PDE4C: variants seen among roughly 807,000 people sequenced by gnomAD.
PDE4C encodes the protein 3',5'-cyclic-AMP phosphodiesterase 4C.
Under a neutral mutation model 63.9 loss-of-function variants are expected in PDE4C, and 50 were observed. That is an observed-to-expected ratio of 0.78 (90% CI 0.62 to 0.99). PDE4C has a LOEUF of 0.99. Among genes scored for constraint, PDE4C ranks in the 50% least tolerant of loss-of-function variants. The pLI, the probability that PDE4C is intolerant of heterozygous loss-of-function variation, is 0.00. For missense variants in PDE4C, 777 were observed against 899.1 expected (o/e 0.86, Z 1.74); for synonymous variants, 377 against 385.1 (o/e 0.98, Z 0.25).
chr19:18,221,444 C>T, intron 2 of PDE4C, 147 bp from the exon 3 acceptor site: 1 of 698,852 alleles, frequency 1.4e-6, no homozygotes, highest in Non-Finnish European at 2.4e-6. Flanking sequence ...ATGCGACTCT[C>T]CCTGAGACCC....
intron 1 of PDE4C, among the ~76,000 whole-genome samples, chr19:18,239,843 T>C (rs755649093): frequency 6.6e-6 from 1 of 151,878 alleles, no homozygotes; most frequent in African/African-American, 2.4e-5. Context: ...CTGACCAACA[T>C]GGCAAAACCC....
At chr19:18,222,461 C>T (rs1968525931) in intron 1 of PDE4C, 138 bp from the exon 2 acceptor site, 9 of 700,598 alleles carry the variant, frequency 1.3e-5, no homozygotes, top group Non-Finnish European at 1.9e-5. Context: ...TCACCTGCCC[C>T]CAGCTACACC....
In PDE4C at chr19:18,210,857, C is replaced by G. The variant is rs1324906647; in HGVS notation, c.*72G>C. On this transcript the variant is annotated 3_prime_UTR_variant, in exon 15 of 15. Coordinates refer to ENST00000262805, the Ensembl canonical transcript of PDE4C. The stretch of plus-strand genomic sequence containing the variant: ...AGCAGGAGCCACATGGAGCCTCTTC[C>G]TGGAAAGTCTGCCTGCCAAGAGCCA... 221 of 1,512,620 alleles carry G rather than the reference C, an allele frequency of 1.5e-4. 4 individuals carry two copies. The highest frequency in any genetic ancestry group is 8.8e-6 in the Non-Finnish European group (10 of 1,131,582). 93.7% of individuals were successfully genotyped at this position (1,512,620 alleles called of 1,614,324 possible).
chr19:18,249,929 T>C (rs139931142), upstream of PDE4C: 2 of 391,566 alleles, frequency 5.1e-6, no homozygotes, highest in Non-Finnish European at 9.0e-6. Flanking sequence ...CCCCTGAAAG[T>C]AAAGACATGG....
At chr19:18,218,379 G>A (rs765453747) in exon 10 of PDE4C, 8 of 1,614,242 alleles carry the variant, frequency 5.0e-6, no homozygotes, top group Middle Eastern at 1.6e-4. Flanking sequence ...ACTGGGCCAC[G>A]TCGGCGGCAT....
At chr19:18,236,107 T>C (rs1968946710), upstream of PDE4C, among the ~76,000 whole-genome samples, 1 of 151,846 alleles carries the variant, frequency 6.6e-6, no homozygotes, top group African/African-American at 2.4e-5. Flanking sequence ...TACGCCTGGC[T>C]AATTTTTTTG....
chr19:18,243,076 T>A (rs1969072685), intron 1 of PDE4C, among the ~76,000 whole-genome samples: 1 of 151,678 alleles, frequency 6.6e-6, no homozygotes, highest in Admixed American at 6.6e-5. Flanking sequence ...AGCCACGGGG[T>A]GTGAGAAAGA....
Position 18,223,108 on chromosome 19 carries a change from T to C in PDE4C, c.147-785A>G, listed in dbSNP as rs540237592. ...ATGCTGGAGTGCAGTGGGGGAACGA[T>C]CTCGGCTCACTGCAACCTCCACCTC... is the stretch of plus-strand genomic sequence containing the variant. On this transcript the variant is annotated intron_variant, in intron 1 of 14. Transcript: ENST00000262805. Among the ~76,000 whole-genome samples, 7 of 152,090 alleles carry C rather than the reference T, an allele frequency of 4.6e-5. No homozygotes were observed. The South Asian group carries it at 1.2e-3, about 27-fold the overall frequency.
chr19:18,208,515 C>G (rs934182227), downstream of PDE4C: 1 of 151,540 alleles, frequency 6.6e-6, no homozygotes, highest in African/African-American at 2.4e-5. Context: ...GTGTCTCCCA[C>G]GCCCGCCACC....
At chr19:18,252,303 G>T, upstream of PDE4C, 1 of 399,136 alleles carries the variant, frequency 2.5e-6, no homozygotes, top group Non-Finnish European at 4.4e-6. Context: ...GGTAGGGGTT[G>T]CCCCTGAACT....
downstream of PDE4C, chr19:18,208,253 G>A (rs1032999582): frequency 6.6e-6 from 1 of 152,218 alleles, no homozygotes; most frequent in African/African-American, 2.4e-5. Flanking sequence ...AGCCGAGGGC[G>A]GCTGTGATGA....
In PDE4C at chr19:18,238,928, C is replaced by T. The variant is rs536641678; in HGVS notation, c.-209-5528G>A. On this transcript the variant is annotated intron_variant, in intron 1 of 15. Transcript: ENST00000594617. ...ATCACTTGAACCCGGGAGGCGGAGG[C>T]TGCAGTGAGTGGAGACCACACCACT... 4.6e-4 allele frequency among the ~76,000 whole-genome samples: 70 copies of T among 151,368 alleles called. 1 individual carries two copies. The highest frequency in any genetic ancestry group is 1.7e-3 in the African/African-American group (69 of 41,240).
chr19:18,213,917 G>T (rs2148007255), intron 12 of PDE4C, among the ~76,000 whole-genome samples: 1 of 152,256 alleles, frequency 6.6e-6, no homozygotes. Context: ...CCTCTGCCTG[G>T]AATGCCGCTT....
chr19:18,221,051 C>CGCCAGG, intron 4 of PDE4C, 54 bp downstream of exon 4: 1 of 1,300,910 alleles, frequency 7.7e-7, no homozygotes, highest in Non-Finnish European at 1.1e-6. Context: ...GCCCGCTTTC[C>CGCCAGG]GCCCACCTTG....
rs146795422 is a variant in PDE4C at position 18,244,306 on chromosome 19, T to G, written c.-210+3865A>C. Among the ~76,000 whole-genome samples, 1,084 of 151,646 alleles carry G rather than the reference T, an allele frequency of 7.1e-3. 7 individuals are homozygous for G. The highest frequency in any genetic ancestry group is 0.017 in the Middle Eastern group (5 of 294). On this transcript the variant is annotated intron_variant, in intron 1 of 15. Coordinates refer to the PDE4C transcript ENST00000594617. ...TCCCCTTTTTGTTTTGTTTTGTTTT[T>G]TTTTTTGAGACGACGTCTCACTCTG...
Position 18,220,950 on chromosome 19 carries a change from C to A in PDE4C, c.450-27G>T. On this transcript the variant is annotated intron_variant, in intron 4 of 14. Coordinates refer to ENST00000262805, the Ensembl canonical transcript of PDE4C. The surrounding 1 kb of genome is among the most constrained non-coding windows in gnomAD (Gnocchi z 5.1). ...TGCGGTACAGCAGCCTCAGGCGTGGCTGCTCCGCCCATCTCGCCCCGCCCC... is the reference window on the plus strand; with the variant it reads ...TGCGGTACAGCAGCCTCAGGCGTGGATGCTCCGCCCATCTCGCCCCGCCCC... The A allele has an allele frequency of 6.3e-7, 1 of 1,590,156 alleles. No homozygotes were observed. Among genetic ancestry groups the A allele is most frequent in the Non-Finnish European group, 8.5e-7 (1 of 1,170,412 alleles).
intron 1 of PDE4C, among the ~76,000 whole-genome samples, chr19:18,243,594 G>A (rs932946108): frequency 9.9e-5 from 15 of 152,198 alleles, no homozygotes; most frequent in Non-Finnish European, 2.9e-5. Context: ...GCAGCTGAAT[G>A]TTTGGATCTG....
In PDE4C at chr19:18,220,128, G is replaced by T; in HGVS notation, c.706+98C>A. The stretch of plus-strand genomic sequence containing the variant: ...TGGGGGCTGAAGGTGTCTGTGTCTG[G>T]CTGTATCTCCCCCAGACTGAGGTCT... On this transcript the variant is annotated intron_variant, in intron 7 of 14. Coordinates refer to ENST00000262805, the Ensembl canonical transcript of PDE4C. The surrounding 1 kb of genome is among the most constrained non-coding windows in gnomAD (Gnocchi z 5.1). 1.0e-6 allele frequency: 1 copy of T among 955,908 alleles called. No homozygotes were observed. Among genetic ancestry groups the T allele is most frequent in the Non-Finnish European group, 1.7e-6 (1 of 596,354 alleles). 59.2% of individuals were successfully genotyped at this position (955,908 alleles called of 1,614,324 possible). A position where few individuals can be genotyped will look rare whatever the true frequency, so the allele number is the denominator to read the frequency against.
chr19:18,217,925 G>A (rs1461061131), intron 11 of PDE4C, among the ~76,000 whole-genome samples: 1 of 152,114 alleles, frequency 6.6e-6, no homozygotes, highest in African/African-American at 2.4e-5. Flanking sequence ...GGTCTTGGTG[G>A]AACCAGATCA....
Sources: allele counts gnomAD v4.1 joint callset (sites outside exome capture counted in the v4.1 genomes callset), GRCh38; gene constraint gnomAD v4.1.1; non-coding constraint Gnocchi (gnomAD v3.1); transcripts MANE v1.5; gene names NCBI Gene and HGNC (gene_info 2026-07-23, HGNC 2026-07-21).